The following CSRNP3 variants were observed in gnomAD, a reference collection of about 807,000 sequenced individuals.
CSRNP3 encodes the protein cysteine/serine-rich nuclear protein 3.
CSRNP3 carries 12 observed loss-of-function variants against 48.0 expected under a neutral mutation model. The observed-to-expected ratio is 0.25, with a 90% CI of 0.16 to 0.41. CSRNP3 has a LOEUF of 0.41. Ranked by LOEUF, CSRNP3 falls within the 10% of genes least tolerant of loss-of-function variation. The probability of loss-of-function intolerance (pLI) is 1.00; values close to 1 mark genes in which losing one functional copy is unlikely to be tolerated. For missense variants in CSRNP3, 580 were observed against 724.4 expected (o/e 0.80, Z 2.29); for synonymous variants, 263 against 269.7 (o/e 0.98, Z 0.24).
intron 5 of CSRNP3, among the ~76,000 whole-genome samples, chr2:165,664,850 C>T (rs1268942513): frequency 6.6e-6 from 1 of 151,960 alleles, no homozygotes; most frequent in African/African-American, 2.4e-5. Flanking sequence ...AAAAAACAAA[C>T]AAACAATAAA....
At chr2:165,495,806 G>C (rs1460357551) in intron 2 of CSRNP3, among the ~76,000 whole-genome samples, 1 of 151,830 alleles carries the variant, frequency 6.6e-6, no homozygotes, top group Non-Finnish European at 1.5e-5. Context: ...CAACATAAAA[G>C]AGTATCATTC....
In CSRNP3 at chr2:165,680,408, T is replaced by C. The variant is rs904391139; in HGVS notation, c.*655T>C. On this transcript the variant is annotated 3_prime_UTR_variant, in exon 7 of 7. Transcript: ENST00000651982. ...GGGTGAAATAGGCCTATTTTTGCTA[T>C]TTTGGACAAATAAATGATTCTATAT... 6.5e-6 allele frequency: 1 copy of C among 152,672 alleles called. No homozygotes were observed. The highest frequency in any genetic ancestry group is 1.5e-5 in the Non-Finnish European group (1 of 68,116). The allele number at this position is 152,672 out of a possible 1,614,324, so 9.5% of individuals were successfully genotyped here. A position where few individuals can be genotyped will look rare whatever the true frequency, so the allele number is the denominator to read the frequency against.
intron 1 of CSRNP3, among the ~76,000 whole-genome samples, chr2:165,479,238 C>T (rs922514288): frequency 2.6e-5 from 4 of 151,952 alleles, no homozygotes; most frequent in Admixed American, 6.6e-5. Context: ...CACAGAAACA[C>T]ATTAAGAATA....
chr2:165,614,302 AATTT>A (rs1686193003), intron 4 of CSRNP3, among the ~76,000 whole-genome samples: 2 of 152,012 alleles, frequency 1.3e-5, no homozygotes, highest in South Asian at 2.1e-4. Flanking sequence ...CTTTACTCTT[AATTT>A]ATTTATCAGT....
At chr2:165,599,009 G>A (rs990540294) in intron 4 of CSRNP3, among the ~76,000 whole-genome samples, 12 of 152,022 alleles carry the variant, frequency 7.9e-5, no homozygotes, top group African/African-American at 2.7e-4. Flanking sequence ...GGAGGGTGAG[G>A]CAGGAGGATT....
intron 1 of CSRNP3, among the ~76,000 whole-genome samples, chr2:165,471,447 A>AT (rs757029413): frequency 4.6e-5 from 7 of 152,012 alleles, no homozygotes; most frequent in Non-Finnish European, 1.0e-4. Context: ...ATGCAGCTAT[A>AT]TTTTTTAGAA....
chr2:165,529,053 TG>T (rs75436402), intron 3 of CSRNP3, among the ~76,000 whole-genome samples: 36,930 of 152,144 alleles, frequency 0.24, 4,764 homozygotes, highest in East Asian at 0.38. Flanking sequence ...CCTGCATTCT[TG>T]GGGGCCCAGG....
rs1298217206 is a variant in CSRNP3 at position 165,574,322 on chromosome 2, A to G, written c.-23-20721A>G. ...TGGATCAGTTGCCTGAAAAAAATGTACTGGGGTTCTCTGCAGCAGTGTTTT... is the reference window on the plus strand; with the variant it reads ...TGGATCAGTTGCCTGAAAAAAATGTGCTGGGGTTCTCTGCAGCAGTGTTTT... On this transcript the variant is annotated intron_variant, in intron 3 of 6. Coordinates refer to ENST00000651982, the MANE Select transcript of CSRNP3 (RefSeq NM_001172173.2). 6 of 1,518,612 alleles carry G rather than the reference A, an allele frequency of 4.0e-6. No homozygotes were observed. In the South Asian group the frequency reaches 4.8e-5, roughly 12 times the overall value. 94.1% of individuals were successfully genotyped at this position (1,518,612 alleles called of 1,614,324 possible). A position where few individuals can be genotyped will look rare whatever the true frequency, so the allele number is the denominator to read the frequency against.
At position 165,547,586 on chromosome 2, in the gene CSRNP3, T is replaced by A. The variant is rs1028529441; in HGVS notation, c.-24+29625T>A. Among the ~76,000 whole-genome samples the A allele has an allele frequency of 3.9e-5, 6 of 152,194 alleles. No homozygotes were observed. In the South Asian group the frequency reaches 1.0e-3, roughly 26 times the overall value. ...CAGTTTGAATTTCTTTTTTTTTTATTAAGTACCTGCACAGAATGCAAAATG... is the reference window on the plus strand; with the variant it reads ...CAGTTTGAATTTCTTTTTTTTTTATAAAGTACCTGCACAGAATGCAAAATG... On this transcript the variant is annotated intron_variant, in intron 3 of 6. Coordinates refer to ENST00000651982, the MANE Select transcript of CSRNP3 (RefSeq NM_001172173.2).
At chr2:165,558,152 A>C (rs1030437066) in intron 3 of CSRNP3, among the ~76,000 whole-genome samples, 8 of 152,278 alleles carry the variant, frequency 5.3e-5, no homozygotes, top group African/African-American at 1.9e-4. Context: ...GGGGGAAAAA[A>C]CTATTGTAGA....
At chr2:165,547,440 A>T (rs1685045318) in intron 3 of CSRNP3, among the ~76,000 whole-genome samples, 1 of 152,116 alleles carries the variant, frequency 6.6e-6, no homozygotes, top group Non-Finnish European at 1.5e-5. Flanking sequence ...GCCAATACTG[A>T]ATATTGTCAA....
At position 165,617,427 on chromosome 2, in the gene CSRNP3, G is replaced by A. The variant is rs1686266221; in HGVS notation, c.148+22214G>A. On this transcript the variant is annotated intron_variant, in intron 4 of 6. Transcript: ENST00000651982. ...CATATGATTTCCTTGGCTGTAGTCA[G>A]TATCAGTAATGTCTACGTTCCTCAG... is the stretch of plus-strand genomic sequence containing the variant. Among the ~76,000 whole-genome samples, 4 of 152,000 alleles carry A rather than the reference G, an allele frequency of 2.6e-5. No individual in the cohort carries two copies. The South Asian group carries it at 8.3e-4, about 31-fold the overall frequency.
At chr2:165,611,785 C>G (rs1411121583) in intron 4 of CSRNP3, among the ~76,000 whole-genome samples, 1 of 152,098 alleles carries the variant, frequency 6.6e-6, no homozygotes, top group African/African-American at 2.4e-5. Flanking sequence ...CAAACCCAGA[C>G]CAGTCTCAGT....
At chr2:165,554,044 G>A (rs748942676) in intron 3 of CSRNP3, among the ~76,000 whole-genome samples, 6 of 152,054 alleles carry the variant, frequency 3.9e-5, no homozygotes, top group Non-Finnish European at 8.8e-5. Context: ...TGCCTTTCGC[G>A]TTTCTAAGTC....
At chr2:165,591,198 A>G (rs1685710866) in intron 3 of CSRNP3, among the ~76,000 whole-genome samples, 1 of 152,210 alleles carries the variant, frequency 6.6e-6, no homozygotes, top group Non-Finnish European at 1.5e-5. Flanking sequence ...AATGGAGTAA[A>G]GGTCACTCTT....
At chr2:165,537,766 C>A (rs1198362007) in intron 3 of CSRNP3, among the ~76,000 whole-genome samples, 1 of 151,720 alleles carries the variant, frequency 6.6e-6, no homozygotes, top group Non-Finnish European at 1.5e-5. Flanking sequence ...CTCTACACTC[C>A]CATTTCTATT....
chr2:165,527,096 G>GTCC (rs956252210), intron 3 of CSRNP3, among the ~76,000 whole-genome samples: 14 of 151,652 alleles, frequency 9.2e-5, no homozygotes, highest in African/African-American at 3.4e-4. Flanking sequence ...TTAAATAAAG[G>GTCC]TGTTTTCACA....
At chr2:165,503,468 A>G (rs1684384374) in intron 2 of CSRNP3, among the ~76,000 whole-genome samples, 1 of 151,920 alleles carries the variant, frequency 6.6e-6, no homozygotes. Context: ...AGTAGATTTC[A>G]TTATCTCAGA....
intron 3 of CSRNP3, among the ~76,000 whole-genome samples, chr2:165,580,654 C>G (rs1685528616): frequency 6.6e-6 from 1 of 152,106 alleles, no homozygotes. Flanking sequence ...CCTTTTCCTT[C>G]ACACTATTCA....
Sources: gnomAD v4.1 joint callset for allele counts (sites outside exome capture counted in the v4.1 genomes callset) on GRCh38, gnomAD v4.1.1 for gene constraint, MANE v1.5 for transcripts, NCBI Gene and HGNC (gene_info 2026-07-23, HGNC 2026-07-21) for gene names.